Variants in AFG2A observed in about 807,000 individuals in gnomAD.
AFG2A encodes the protein ATPase family gene 2 protein homolog A.
the AFG2A span, among the ~76,000 whole-genome samples, chr4:123,005,985 C>T: frequency 2.6e-5 from 4 of 152,140 alleles, no homozygotes; most frequent in African/African-American, 7.2e-5. Context: ...TCACCATTTC[C>T]AGTTCTCTTT....
At chr4:123,016,514 T>A in the AFG2A span, among the ~76,000 whole-genome samples, 6 of 148,876 alleles carry the variant, frequency 4.0e-5, no homozygotes, top group African/African-American at 1.5e-4. Flanking sequence ...TCCCCACATC[T>A]TAGACGATGG....
chr4:123,305,377 G>A, the AFG2A span, among the ~76,000 whole-genome samples: 4 of 152,128 alleles, frequency 2.6e-5, no homozygotes, highest in Non-Finnish European at 4.4e-5. Flanking sequence ...TTCTTCCCAC[G>A]CCTGTGTGCC....
At chr4:123,258,227 G>T in the AFG2A span, among the ~76,000 whole-genome samples, 1 of 152,184 alleles carries the variant, frequency 6.6e-6, no homozygotes, top group Non-Finnish European at 1.5e-5. Context: ...GATGAGGCAG[G>T]TTTGTTCCCT....
At chr4:123,221,709 G>T in the AFG2A span, among the ~76,000 whole-genome samples, 1 of 152,054 alleles carries the variant, frequency 6.6e-6, no homozygotes, top group Non-Finnish European at 1.5e-5. Flanking sequence ...CAGATCACCT[G>T]AAGTCAGGAG....
At chr4:123,016,240 G>T in the AFG2A span, among the ~76,000 whole-genome samples, 1 of 148,722 alleles carries the variant, frequency 6.7e-6, no homozygotes. Context: ...TCCCGGACGG[G>T]GCGGCTGGCC....
At chr4:123,109,163 T>C in the AFG2A span, among the ~76,000 whole-genome samples, 1 of 152,156 alleles carries the variant, frequency 6.6e-6, no homozygotes, top group African/African-American at 2.4e-5. Context: ...GTTGTATTTA[T>C]GTTTTATCTT....
chr4:123,103,609 ATAGT>A, the AFG2A span, among the ~76,000 whole-genome samples: 1 of 152,140 alleles, frequency 6.6e-6, no homozygotes, highest in East Asian at 1.9e-4. Flanking sequence ...TTTCTTACAT[ATAGT>A]TAAATATATA....
chr4:123,224,158 C>CATTT, the AFG2A span, among the ~76,000 whole-genome samples: 1 of 151,776 alleles, frequency 6.6e-6, no homozygotes, highest in African/African-American at 2.4e-5. Context: ...TTCCCAGCAC[C>CATTT]ATTTATTTAT....
the AFG2A span, among the ~76,000 whole-genome samples, chr4:123,310,840 G>C: frequency 6.6e-6 from 1 of 152,166 alleles, no homozygotes; most frequent in Non-Finnish European, 1.5e-5. Context: ...TGACCTTATT[G>C]ACTAGTTCTT....
the AFG2A span, among the ~76,000 whole-genome samples, chr4:123,007,573 TGTGTGTGTGTGTGTGTGTG>T: frequency 5.1e-4 from 2 of 3,904 alleles, no homozygotes; most frequent in Admixed American, 5.2e-3. Context: ...TGTATATGTG[TGTGTGTGTGTGTGTGTGTG>T]TGTGTGTGTG....
the AFG2A span, among the ~76,000 whole-genome samples, chr4:122,969,537 A>G: frequency 6.6e-6 from 1 of 152,192 alleles, no homozygotes; most frequent in Non-Finnish European, 1.5e-5. Flanking sequence ...ATGGTCATCA[A>G]AATTTTCTTG....
the AFG2A span, among the ~76,000 whole-genome samples, chr4:122,930,455 A>C: frequency 6.6e-6 from 1 of 152,108 alleles, no homozygotes; most frequent in African/African-American, 2.4e-5. Flanking sequence ...ACTATTGTAG[A>C]TTTTAGACTT....
chr4:123,221,694 G>T, the AFG2A span, among the ~76,000 whole-genome samples: 1 of 152,094 alleles, frequency 6.6e-6, no homozygotes, highest in Admixed American at 6.6e-5. Context: ...GGAGACCGAG[G>T]TGAGCAGATC....
the AFG2A span, among the ~76,000 whole-genome samples, chr4:122,959,265 T>G: frequency 6.6e-6 from 1 of 152,208 alleles, no homozygotes; most frequent in African/African-American, 2.4e-5. Flanking sequence ...CTCCCAGAAG[T>G]TTTTTGTGAT....
chr4:123,111,959 G>A, the AFG2A span, among the ~76,000 whole-genome samples: 3 of 152,146 alleles, frequency 2.0e-5, no homozygotes, highest in East Asian at 5.8e-4. Flanking sequence ...CTGACCTCAG[G>A]TGATCCGCCT....
At chr4:123,213,305 T>G in the AFG2A span, among the ~76,000 whole-genome samples, 1 of 152,146 alleles carries the variant, frequency 6.6e-6, no homozygotes, top group Non-Finnish European at 1.5e-5. Context: ...GAATTTCATT[T>G]TCCTTTTCCA....
the AFG2A span, among the ~76,000 whole-genome samples, chr4:122,976,172 T>C: frequency 2.0e-4 from 31 of 152,172 alleles, no homozygotes; most frequent in Non-Finnish European, 4.3e-4. Context: ...AGGATAACTT[T>C]AGATATTCAG....
chr4:122,945,791 CT>C, the AFG2A span, among the ~76,000 whole-genome samples: 2 of 152,208 alleles, frequency 1.3e-5, no homozygotes, highest in Admixed American at 1.3e-4. Context: ...ATCTTGGCTC[CT>C]CCCCGAACTT....
chr4:123,153,054 G>T, the AFG2A span, among the ~76,000 whole-genome samples: 1 of 152,192 alleles, frequency 6.6e-6, no homozygotes, highest in African/African-American at 2.4e-5. Context: ...GATTACTTTT[G>T]TCATTCAGAT....
Sources: gnomAD v4.1 joint callset for allele counts (sites outside exome capture counted in the v4.1 genomes callset) on GRCh38, gnomAD v4.1.1 for gene constraint, MANE v1.5 for transcripts, NCBI Gene and HGNC (gene_info 2026-07-23, HGNC 2026-07-21) for gene names.